The following KIAA1210 variants were observed in gnomAD, a reference collection of about 807,000 sequenced individuals.
KIAA1210 encodes the protein acrosomal protein KIAA1210.
Under a neutral mutation model 78.9 loss-of-function variants are expected in KIAA1210, and 48 were observed. The ratio of observed to expected loss-of-function variants is 0.61; its 90% CI spans 0.48 to 0.77. The LOEUF is 0.77. Among genes scored for constraint, KIAA1210 ranks in the 30% least tolerant of loss-of-function variants. The probability of loss-of-function intolerance (pLI) is 0.00; values close to 1 mark genes in which losing one functional copy is unlikely to be tolerated. For missense variants in KIAA1210, 1,108 were observed against 1,100.0 expected (o/e 1.01, Z -0.10); for synonymous variants, 406 against 404.5 (o/e 1.00, Z -0.04).
chrX:119,104,937 A>C (rs1168052473), intron 6 of KIAA1210, 55 bp downstream of exon 6: 1 of 1,071,846 alleles, frequency 9.3e-7, no homozygotes, highest in African/African-American at 1.9e-5. Flanking sequence ...ATACAAGAAG[A>C]AGTTATGCCT....
At chrX:119,085,219 T>C (rs938059377) in intron 10 of KIAA1210, among the ~76,000 whole-genome samples, 164 bp downstream of exon 10, 50 of 112,263 alleles carry the variant, frequency 4.5e-4, no homozygotes, top group African/African-American at 1.6e-3. Flanking sequence ...CAGGGCACGT[T>C]TGTATAAATA....
rs751463884 is a variant in KIAA1210 at position 119,089,539 on chromosome X, T to C, written c.1163A>G (p.Tyr388Cys). The C allele has an allele frequency of 4.1e-6, 5 of 1,211,448 alleles. No individual in the cohort carries two copies. The highest frequency in any genetic ancestry group is 4.5e-6 in the Non-Finnish European group (4 of 895,301). Residue 388 changes from tyrosine (Y) to cysteine (C), a missense_variant, in exon 9 of 12, where the codon TAT becomes TGT. Transcript: ENST00000691062. ...GRSLKQSSEG[Y>C]GLGDRAGSSP... Reference sequence around the variant, plus strand: ...AGACCCAGCTCTATCGCCCAGGCCATACCCTTCACTGGATTGTTTAAGGCT... The same window carrying C: ...AGACCCAGCTCTATCGCCCAGGCCACACCCTTCACTGGATTGTTTAAGGCT...
chrX:119,143,695 A>T (rs1350828254), intron 2 of KIAA1210, among the ~76,000 whole-genome samples: 1 of 112,178 alleles, frequency 8.9e-6, no homozygotes. Flanking sequence ...CAGAAATGGG[A>T]TCATGACTAC....
chrX:119,083,039 T>A lies in KIAA1210; in HGVS notation c.4402A>T (p.Lys1468Ter). ...VHKQEKTAQMKPPKPTKSVGF... is the reference protein window; with the variant it reads ...VHKQEKTAQM ...CCTGATTTTGTAGGCTTAGGTGGCT[T>A]CATCTGTGCTGTCTTCTCCTGTTTA... Residue 1468 changes from lysine to a stop codon, truncating the protein, a stop_gained, in exon 11 of 12, where the codon AAG becomes TAG. Coordinates refer to ENST00000691062, the MANE Select transcript of KIAA1210 (RefSeq NM_001394962.1). LOFTEE classifies it low-confidence loss of function (END_TRUNC). The A allele has an allele frequency of 1.7e-6, 2 of 1,204,471 alleles. No individual in the cohort carries two copies. The highest frequency in any genetic ancestry group is 1.1e-6 in the Non-Finnish European group (1 of 891,551).
Position 119,145,406 on chromosome X carries a change from A to G in KIAA1210, c.410+2067T>C, listed in dbSNP as rs765564301. ...TTGACAACCAAAAATGTCTCCAGAC[A>G]TTGCCCAATGTCCCCTGGGGAGCAA... is the stretch of plus-strand genomic sequence containing the variant. On this transcript the variant is annotated intron_variant, in intron 2 of 13. Transcript: ENST00000402510. Among the ~76,000 whole-genome samples the G allele has an allele frequency of 6.4e-5, 7 of 110,050 alleles. No homozygotes were observed. The East Asian group carries it at 1.4e-3, about 22-fold the overall frequency.
chrX:119,104,898 A>G (rs1346690645), intron 6 of KIAA1210, 94 bp downstream of exon 6: 13 of 827,063 alleles, frequency 1.6e-5, no homozygotes, highest in Non-Finnish European at 2.2e-5. Context: ...TCATCCCCCT[A>G]GTGTTGAGCT....
Position 119,080,698 on chromosome X carries a change from A to G in KIAA1210, c.*631T>C, listed in dbSNP as rs898009065. On this transcript the variant is annotated 3_prime_UTR_variant, in exon 12 of 12. Coordinates refer to ENST00000691062, the MANE Select transcript of KIAA1210 (RefSeq NM_001394962.1). ...AAAGTTAAAGATTTTGCAATTTTAC[A>G]GCAGTGCAAATGTTTTCGATAGTTT... 1 of 112,352 alleles carries G rather than the reference A, an allele frequency of 8.9e-6. No homozygotes were observed. Among genetic ancestry groups the G allele is most frequent in the African/African-American group, 3.2e-5 (1 of 30,949 alleles). 9.3% of individuals were successfully genotyped at this position (112,352 alleles called of 1,213,427 possible).
At position 119,087,273 on chromosome X, in the gene KIAA1210, T is replaced by C; in HGVS notation, c.3429A>G (p.Lys1143=). ...GCTGCTTTTTAGAATTCCTCCACTC[T>C]TTAGGAGAACTGGCAGAAACAGGGG... is the stretch of plus-strand genomic sequence containing the variant. ...KVSPVSASSP[K]EWRNSKKQLP... The change falls in exon 9 of 12, where the codon AAA becomes AAG. Residue 1143 remains lysine (K), a synonymous_variant. Transcript: ENST00000691062. 8.3e-7 allele frequency: 1 copy of C among 1,211,100 alleles called. No homozygotes were observed. The highest frequency in any genetic ancestry group is 2.2e-5 in the Admixed American group (1 of 46,009).
exon 2 of KIAA1210, chrX:119,147,511 A>T (rs754120730): frequency 1.3e-4 from 163 of 1,209,908 alleles, no homozygotes; most frequent in Non-Finnish European, 1.7e-4. Context: ...GAAGCTGACT[A>T]GCATGATGTG....
At chrX:119,148,742 T>A (rs1024560242) in intron 1 of KIAA1210, among the ~76,000 whole-genome samples, 5 of 111,487 alleles carry the variant, frequency 4.5e-5, no homozygotes, top group African/African-American at 1.6e-4. Context: ...AAAGTGCCAA[T>A]GAGGCTCTTG....
At chrX:119,112,830 T>C (rs990485126) in intron 3 of KIAA1210, among the ~76,000 whole-genome samples, 2 of 111,561 alleles carry the variant, frequency 1.8e-5, no homozygotes, top group Admixed American at 1.9e-4. Context: ...GACCCAACAA[T>C]TCCACTCCTA....
chrX:119,104,987 C>A lies in KIAA1210; in HGVS notation c.648+5G>T, dbSNP rs1361330671. 2 of 1,206,864 alleles carry A rather than the reference C, an allele frequency of 1.7e-6. No homozygotes were observed. Among genetic ancestry groups the A allele is most frequent in the Admixed American group, 4.4e-5 (2 of 45,422 alleles). ...CCCTCAACCTGTCCCTTAATATATA[C>A]TCACCTGAGTCGCTGTCAAACTCTT... On this transcript the variant is annotated splice_donor_5th_base_variant and intron_variant, in intron 6 of 11. Transcript: ENST00000691062.
At chrX:119,121,252 G>GT (rs1928448224) in intron 2 of KIAA1210, among the ~76,000 whole-genome samples, 1 of 111,921 alleles carries the variant, frequency 8.9e-6, no homozygotes, top group Non-Finnish European at 1.9e-5. Flanking sequence ...TCCACAGGCT[G>GT]TTTTTCAAAA....
At chrX:119,104,524 G>A (rs1927828345) in intron 6 of KIAA1210, among the ~76,000 whole-genome samples, 1 of 112,318 alleles carries the variant, frequency 8.9e-6, no homozygotes, top group Admixed American at 9.5e-5. Context: ...GAATGGAAGT[G>A]TTGATATGAG....
intron 2 of KIAA1210, among the ~76,000 whole-genome samples, chrX:119,144,152 T>C (rs1026920663): frequency 6.2e-5 from 7 of 112,206 alleles, no homozygotes; most frequent in African/African-American, 2.3e-4. Context: ...TTTGCCCATA[T>C]AGTGCTCTGG....
At chrX:119,127,229 T>A (rs1275734029) in intron 1 of KIAA1210, among the ~76,000 whole-genome samples, 2 of 109,764 alleles carry the variant, frequency 1.8e-5, no homozygotes, top group Non-Finnish European at 3.8e-5. Flanking sequence ...GGAAATAAAC[T>A]ATCTTAGAGA....
chrX:119,105,032 T>C lies in KIAA1210; in HGVS notation c.608A>G (p.Gln203Arg). 8.3e-7 allele frequency: 1 copy of C among 1,209,993 alleles called. No homozygotes were observed. Among genetic ancestry groups the C allele is most frequent in the Non-Finnish European group, 1.1e-6 (1 of 894,601 alleles). Residue 203 changes from glutamine to arginine, a missense_variant, in exon 6 of 12, where the codon CAA becomes CGA. Gln to Arg is a conservative substitution (Grantham distance 43). Transcript: ENST00000691062. ...SLDDESPKNP[Q>R]KKALPHKSLT... ...ACTCTTATGTGGTAAAGCCTTCTTTTGTGGATTCTTAGGTGACTCATCATC... is the reference window on the plus strand; with the variant it reads ...ACTCTTATGTGGTAAAGCCTTCTTTCGTGGATTCTTAGGTGACTCATCATC...
chrX:119,111,091 T>C (rs1347423716), intron 3 of KIAA1210, among the ~76,000 whole-genome samples: 1 of 111,595 alleles, frequency 9.0e-6, no homozygotes. Context: ...AGCATAAAGA[T>C]AGACATATAG....
intron 5 of KIAA1210, among the ~76,000 whole-genome samples, chrX:119,106,986 G>A (rs1028127896): frequency 8.9e-6 from 1 of 112,575 alleles, no homozygotes; most frequent in African/African-American, 3.2e-5. Flanking sequence ...CTGGGTGTCA[G>A]GACCCTTGAC....
Sources: gnomAD v4.1 joint callset for allele counts (sites outside exome capture counted in the v4.1 genomes callset) on GRCh38, gnomAD v4.1.1 for gene constraint, MANE v1.5 for transcripts, NCBI Gene and HGNC (gene_info 2026-07-23, HGNC 2026-07-21) for gene names.